Variants in TMC1 observed in about 807,000 individuals in gnomAD.
TMC1 encodes the protein transmembrane channel like 1.
Under a neutral mutation model 105.8 loss-of-function variants are expected in TMC1, and 84 were observed. The observed-to-expected ratio is 0.79, with a 90% CI of 0.67 to 0.95. TMC1 has a LOEUF of 0.95. Among genes scored for constraint, TMC1 ranks in the 40% least tolerant of loss-of-function variants. The pLI is 0.00. For missense variants in TMC1, 817 were observed against 914.1 expected (o/e 0.89, Z 1.37); for synonymous variants, 315 against 311.5 (o/e 1.01, Z -0.12).
intron 8 of TMC1, among the ~76,000 whole-genome samples, chr9:72,719,840 A>G (rs1826992072): frequency 6.6e-6 from 1 of 152,122 alleles, no homozygotes; most frequent in South Asian, 2.1e-4. Context: ...TGCAGAATGG[A>G]GAGTATATAG....
intron 5 of TMC1, among the ~76,000 whole-genome samples, chr9:72,668,234 A>C (rs1826074054): frequency 6.6e-6 from 1 of 152,142 alleles, no homozygotes; most frequent in Admixed American, 6.5e-5. Flanking sequence ...CTATGATGTT[A>C]TTTGTTTTCA....
intron 20 of TMC1, among the ~76,000 whole-genome samples, chr9:72,824,975 G>A (rs1036497777): frequency 6.6e-6 from 1 of 152,286 alleles, no homozygotes; most frequent in East Asian, 1.9e-4. Context: ...AGGTTTTTTA[G>A]TATTAAAAGT....
At chr9:72,781,688 A>G (rs1201600580) in intron 13 of TMC1, among the ~76,000 whole-genome samples, 1 of 152,212 alleles carries the variant, frequency 6.6e-6, no homozygotes, top group Non-Finnish European at 1.5e-5. Flanking sequence ...AAACACCTCT[A>G]TGCACACAAA....
At chr9:72,571,178 C>T (rs1824277288) in intron 1 of TMC1, among the ~76,000 whole-genome samples, 1 of 150,586 alleles carries the variant, frequency 6.6e-6, no homozygotes, top group Non-Finnish European at 1.5e-5. Context: ...TAAAAATTAG[C>T]CGGGCATGGT....
At chr9:72,533,367 A>G (rs1823529221) in intron 1 of TMC1, among the ~76,000 whole-genome samples, 1 of 152,236 alleles carries the variant, frequency 6.6e-6, no homozygotes, top group Non-Finnish European at 1.5e-5. Flanking sequence ...AGGATAAATT[A>G]AAGGAAAAGA....
chr9:72,827,140 G>A lies in TMC1; in HGVS notation c.2129+146G>A, dbSNP rs188665531. Reference sequence around the variant, plus strand: ...CAACACTGATTACATGGTGGTGAGAGGCTAAAATTCATGAGCCATATTCTG... The same window carrying A: ...CAACACTGATTACATGGTGGTGAGAAGCTAAAATTCATGAGCCATATTCTG... On this transcript the variant is annotated intron_variant, in intron 21 of 23. Transcript: ENST00000297784. 5.2e-5 allele frequency: 57 copies of A among 1,099,048 alleles called. No individual in the cohort carries two copies. The East Asian group carries it at 1.3e-3, about 26-fold the overall frequency. 68.1% of individuals were successfully genotyped at this position (1,099,048 alleles called of 1,614,324 possible).
intron 2 of TMC1, among the ~76,000 whole-genome samples, chr9:72,604,996 G>A (rs1824883057): frequency 6.6e-6 from 1 of 152,174 alleles, no homozygotes; most frequent in Admixed American, 6.5e-5. Flanking sequence ...TTTAAGGTAT[G>A]TATGGTTTAA....
Position 72,754,862 on chromosome 9 carries a change from T to A in TMC1, c.719T>A (p.Phe240Tyr). The A allele has an allele frequency of 6.2e-7, 1 of 1,614,022 alleles. No homozygotes were observed. Among genetic ancestry groups the A allele is most frequent in the Non-Finnish European group, 8.5e-7 (1 of 1,179,914 alleles). ...PRAEEASAAN[F>Y]GVLYDFNGLA... ...GCCGAAGAGGCATCGGCAGCAAACT[T>A]TGGTGTGTTGTACGACTTCAATGTA... is the stretch of plus-strand genomic sequence containing the variant. The change falls in exon 12 of 24, where the codon TTT becomes TAT. Residue 240 changes from phenylalanine to tyrosine, a missense_variant. Coordinates refer to ENST00000297784, the MANE Select transcript of TMC1 (RefSeq NM_138691.3).
At chr9:72,568,202 C>T (rs1311809248) in intron 1 of TMC1, among the ~76,000 whole-genome samples, 1 of 151,774 alleles carries the variant, frequency 6.6e-6, no homozygotes, top group Non-Finnish European at 1.5e-5. Flanking sequence ...ACTTCTCAAC[C>T]CCCCAAACTG....
At chr9:72,792,482 G>T in intron 17 of TMC1, 130 bp downstream of exon 17, 1 of 1,078,598 alleles carries the variant, frequency 9.3e-7, no homozygotes, top group East Asian at 2.4e-5. Context: ...AATGTTGACT[G>T]TGTGCTGGCT....
intron 5 of TMC1, among the ~76,000 whole-genome samples, chr9:72,685,592 G>A (rs1471261101): frequency 6.6e-6 from 1 of 151,964 alleles, no homozygotes; most frequent in East Asian, 1.9e-4. Flanking sequence ...TTAAACTCCT[G>A]ACCTCAAGTG....
chr9:72,785,415 T>C (rs530589198), intron 13 of TMC1, among the ~76,000 whole-genome samples: 1 of 152,346 alleles, frequency 6.6e-6, no homozygotes, highest in African/African-American at 2.4e-5. Context: ...AGATTTGTTC[T>C]TACTGTAGAT....
At position 72,837,690 on chromosome 9, in the gene TMC1, TCA is replaced by T. The variant is rs1829147599; in HGVS notation, c.*1718_*1719del. ...TGCGACTTTAATTGCATAGCTTAAC[TCA>T]GTGTGCCTTTCCAAAACTAAGCCAA... On this transcript the variant is annotated 3_prime_UTR_variant, in exon 24 of 24. Transcript: ENST00000297784. The T allele has an allele frequency of 6.6e-6, 1 of 152,214 alleles. No individual in the cohort carries two copies. The highest frequency in any genetic ancestry group is 1.5e-5 in the Non-Finnish European group (1 of 68,046). The allele number at this position is 152,214 out of a possible 1,614,324, so 9.4% of individuals were successfully genotyped here. A position where few individuals can be genotyped will look rare whatever the true frequency, so the allele number is the denominator to read the frequency against.
intron 10 of TMC1, among the ~76,000 whole-genome samples, chr9:72,750,565 A>G (rs118171767): frequency 0.015 from 2,332 of 151,618 alleles, 29 homozygotes; most frequent in Middle Eastern, 0.082. Context: ...CTCTCTCCCA[A>G]TGAGAATTAA....
chr9:72,801,193 G>A (rs540127574), intron 17 of TMC1, among the ~76,000 whole-genome samples: 1 of 152,234 alleles, frequency 6.6e-6, no homozygotes, highest in South Asian at 2.1e-4. Flanking sequence ...CAATCATTTA[G>A]TTTCATCCCC....
At chr9:72,594,539 A>G (rs1824688511) in intron 2 of TMC1, among the ~76,000 whole-genome samples, 1 of 152,156 alleles carries the variant, frequency 6.6e-6, no homozygotes, top group Non-Finnish European at 1.5e-5. Context: ...AGGTGACTTT[A>G]GCTCAAAATA....
intron 8 of TMC1, among the ~76,000 whole-genome samples, chr9:72,707,551 A>G (rs1416371963): frequency 6.6e-6 from 1 of 152,132 alleles, no homozygotes; most frequent in East Asian, 1.9e-4. Context: ...GGTCGTTTGT[A>G]TATCTTCTTT....
At chr9:72,729,433 T>G (rs1827171385) in intron 8 of TMC1, among the ~76,000 whole-genome samples, 1 of 152,180 alleles carries the variant, frequency 6.6e-6, no homozygotes, top group African/African-American at 2.4e-5. Context: ...TGTTTTCAGA[T>G]AGTCAGGTAG....
At chr9:72,811,863 C>T (rs1828711458) in intron 18 of TMC1, among the ~76,000 whole-genome samples, 1 of 152,134 alleles carries the variant, frequency 6.6e-6, no homozygotes, top group Non-Finnish European at 1.5e-5. Flanking sequence ...CAATGTACTG[C>T]TTATTTTGTA....
Sources: gnomAD v4.1 joint callset for allele counts (sites outside exome capture counted in the v4.1 genomes callset) on GRCh38, gnomAD v4.1.1 for gene constraint, MANE v1.5 for transcripts, NCBI Gene and HGNC (gene_info 2026-07-23, HGNC 2026-07-21) for gene names.